The following PCDHA3 variants were observed in gnomAD, a reference collection of about 807,000 sequenced individuals.
The protein encoded by PCDHA3 is protocadherin alpha-3.
PCDHA3 carries 41 observed loss-of-function variants against 62.2 expected under a neutral mutation model. The observed-to-expected ratio is 0.66, with a 90% CI of 0.51 to 0.86. The LOEUF (loss-of-function observed/expected upper bound fraction) is 0.86, where lower values mean the gene tolerates loss of function less well. PCDHA3 is among the 40% of genes least tolerant of loss of function. The pLI is 0.00. For synonymous variants in PCDHA3, 640 were observed against 555.4 expected, an observed-to-expected ratio of 1.15 and a Z score of -2.14; for missense variants, 1,304 against 1,241.2, an observed-to-expected ratio of 1.05 and a Z score of -0.76.
chr5:140,959,471 C>T (rs910729465), intron 1 of PCDHA3, among the ~76,000 whole-genome samples: 3 of 151,970 alleles, frequency 2.0e-5, no homozygotes, highest in African/African-American at 7.3e-5. Context: ...TGGCATCAAT[C>T]AAGGCATATT....
chr5:140,924,824 G>T (rs782384284), intron 1 of PCDHA3, among the ~76,000 whole-genome samples: 5 of 151,742 alleles, frequency 3.3e-5, no homozygotes, highest in African/African-American at 4.8e-5. Context: ...GAACCTGGGA[G>T]GGGGAGGTTG....
intron 2 of PCDHA3, among the ~76,000 whole-genome samples, chr5:140,980,556 G>A (rs1355966555): frequency 6.6e-6 from 1 of 152,126 alleles, no homozygotes; most frequent in Non-Finnish European, 1.5e-5. Flanking sequence ...CTTGAACCCG[G>A]GAGGCGGAAG....
At chr5:140,823,082 C>A (rs1171267979) in intron 1 of PCDHA3, 1 of 1,613,782 alleles carries the variant, frequency 6.2e-7, no homozygotes, top group Non-Finnish European at 8.5e-7. Flanking sequence ...TCGCTGTGGG[C>A]CACCGCCAGC....
intron 1 of PCDHA3, among the ~76,000 whole-genome samples, chr5:140,819,901 A>G (rs1442413808): frequency 6.6e-6 from 1 of 152,008 alleles, no homozygotes; most frequent in Non-Finnish European, 1.5e-5. Context: ...TGCAGATTAC[A>G]ATGTACACAT....
At chr5:140,821,593 C>T in intron 1 of PCDHA3, 2 of 678,042 alleles carry the variant, frequency 2.9e-6, no homozygotes, top group Non-Finnish European at 4.6e-6. Context: ...CCTTCCCAGC[C>T]TCAAAGGAAT....
At chr5:140,971,895 T>C (rs1554233682) in intron 1 of PCDHA3, among the ~76,000 whole-genome samples, 2 of 151,872 alleles carry the variant, frequency 1.3e-5, no homozygotes, top group Non-Finnish European at 2.9e-5. Context: ...TCAGGGAGGT[T>C]AGGTAATCTA....
At chr5:140,861,660 G>C (rs1410564922) in intron 1 of PCDHA3, 1 of 269,190 alleles carries the variant, frequency 3.7e-6, no homozygotes, top group Admixed American at 4.3e-5. Context: ...TCTGAAACGA[G>C]AGCTCTTGAT....
At chr5:140,907,882 G>A (rs895415928) in intron 1 of PCDHA3, among the ~76,000 whole-genome samples, 1 of 152,168 alleles carries the variant, frequency 6.6e-6, no homozygotes, top group African/African-American at 2.4e-5. Flanking sequence ...GCACTCACAT[G>A]GGATACAAAT....
Position 140,851,565 on chromosome 5 carries a change from G to A in PCDHA3, c.2394+47974G>A, listed in dbSNP as rs558874725. 1.9e-4 allele frequency: 177 copies of A among 908,116 alleles called. 7 individuals carry two copies. The African/African-American group carries it at 3.0e-3, about 15-fold the overall frequency. The allele number at this position is 908,116 out of a possible 1,614,324, so 56.3% of individuals were successfully genotyped here. ...TTCAAGAAATGTTGACTGAAATTTT[G>A]TCTACACTTAGAACATTTTTTGAAA... On this transcript the variant is annotated intron_variant, in intron 1 of 3. Coordinates refer to ENST00000522353, the MANE Select transcript of PCDHA3 (RefSeq NM_018906.3).
intron 1 of PCDHA3, chr5:140,853,279 A>T: frequency 1.0e-6 from 1 of 979,476 alleles, no homozygotes; most frequent in African/African-American, 1.8e-5. Flanking sequence ...CTCTCATCAT[A>T]TGCAAATTCT....
intron 3 of PCDHA3, among the ~76,000 whole-genome samples, chr5:141,002,433 A>G (rs2098079655): frequency 6.6e-6 from 1 of 152,258 alleles, no homozygotes; most frequent in East Asian, 1.9e-4. Context: ...ACAGGCAATA[A>G]CCATAATAAT....
intron 1 of PCDHA3, chr5:140,876,266 A>T: frequency 6.2e-7 from 1 of 1,614,012 alleles, no homozygotes; most frequent in South Asian, 1.1e-5. Context: ...ATCCAACTAA[A>T]TGCTTCCGAT....
At chr5:140,820,623 T>A (rs1166296967) in intron 1 of PCDHA3, among the ~76,000 whole-genome samples, 9 of 152,042 alleles carry the variant, frequency 5.9e-5, no homozygotes, top group Admixed American at 5.9e-4. Context: ...AATCATACCA[T>A]CCAGTAAACA....
intron 1 of PCDHA3, chr5:140,829,900 C>T (rs2150177291): frequency 1.9e-6 from 3 of 1,613,996 alleles, no homozygotes; most frequent in Admixed American, 3.3e-5. Flanking sequence ...ACTCAGGCTA[C>T]AACGCGTGGC....
chr5:140,897,561 G>A (rs1168105225), intron 1 of PCDHA3, among the ~76,000 whole-genome samples: 1 of 151,976 alleles, frequency 6.6e-6, no homozygotes, highest in Non-Finnish European at 1.5e-5. Flanking sequence ...GTGTATATGT[G>A]CCACATTTTC....
In PCDHA3 at chr5:140,883,376, G is replaced by T. The variant is rs1276182742; in HGVS notation, c.2394+79785G>T. On this transcript the variant is annotated intron_variant, in intron 1 of 3. Transcript: ENST00000522353. The stretch of plus-strand genomic sequence containing the variant: ...AGACACTCAGCCTAGCGCCATTATT[G>T]CCCTAATCAGTGTGTCCGATCGTGA... 25 of 1,613,998 alleles carry T rather than the reference G, an allele frequency of 1.5e-5. No homozygotes were observed. The highest frequency in any genetic ancestry group is 2.0e-5 in the Non-Finnish European group (24 of 1,180,022).
chr5:140,830,233 G>C, intron 1 of PCDHA3: 1 of 1,613,906 alleles, frequency 6.2e-7, no homozygotes, highest in Non-Finnish European at 8.5e-7. Flanking sequence ...TGGTCCTCAC[G>C]CTACTGCTGT....
At chr5:140,829,754 G>T (rs2150173940) in intron 1 of PCDHA3, 3 of 1,613,740 alleles carry the variant, frequency 1.9e-6, no homozygotes, top group Non-Finnish European at 2.5e-6. Context: ...GCAGGTGTTC[G>T]TGCTGGACGA....
At chr5:140,876,706 G>C in intron 1 of PCDHA3, 1 of 1,614,214 alleles carries the variant, frequency 6.2e-7, no homozygotes, top group South Asian at 1.1e-5. Context: ...GCTGGACAGC[G>C]CCCTGGACCG....
Sources: allele counts gnomAD v4.1 joint callset (sites outside exome capture counted in the v4.1 genomes callset), GRCh38; gene constraint gnomAD v4.1.1; transcripts MANE v1.5; gene names NCBI Gene and HGNC (gene_info 2026-07-23, HGNC 2026-07-21).